NUDT19: variants seen among roughly 807,000 people sequenced by gnomAD.
NUDT19 encodes the protein acyl-coenzyme A diphosphatase NUDT19.
A neutral mutation model predicts 22.2 loss-of-function variants in NUDT19; 31 were observed. The observed-to-expected ratio is 1.40, with a 90% CI of 1.05 to 1.89. The LOEUF (loss-of-function observed/expected upper bound fraction) is 1.89. Among genes scored for constraint, NUDT19 ranks in the 40% most tolerant of loss-of-function variants. The pLI is 0.00. For missense variants in NUDT19, 752 were observed against 514.2 expected, an observed-to-expected ratio of 1.46 and a Z score of -4.47; for synonymous variants, 325 against 230.8, an observed-to-expected ratio of 1.41 and a Z score of -3.70.
chr19:32,692,298 A>G lies in NUDT19; in HGVS notation c.338A>G (p.Asp113Gly), dbSNP rs1968197116. ...CCCGACACCGATGACCACAAGACCGACAACACTGGGACGCTGCCTGAGGAC... is the reference window on the plus strand; with the variant it reads ...CCCGACACCGATGACCACAAGACCGGCAACACTGGGACGCTGCCTGAGGAC... ...SLPDTDDHKT[D>G]NTGTLPEDVA... Residue 113 changes from aspartate to glycine, a missense_variant, in exon 1 of 3, where the codon GAC becomes GGC. Physicochemically the swap from Asp to Gly is moderately conservative, Grantham distance 94. Transcript: ENST00000397061. 7.5e-6 allele frequency: 12 copies of G among 1,593,084 alleles called. No individual in the cohort carries two copies. The highest frequency in any genetic ancestry group is 1.7e-4 in the Middle Eastern group (1 of 6,058).
intron 1 of NUDT19, among the ~76,000 whole-genome samples, chr19:32,699,588 T>A (rs1330258643): frequency 6.6e-6 from 1 of 152,202 alleles, no homozygotes; most frequent in Non-Finnish European, 1.5e-5. Context: ...GCCACACTAG[T>A]CGCTTTTAAC....
intron 1 of NUDT19, among the ~76,000 whole-genome samples, chr19:32,708,229 C>T (rs1968408668): frequency 6.6e-6 from 1 of 151,134 alleles, no homozygotes; most frequent in South Asian, 2.1e-4. Flanking sequence ...AGATCGAGAC[C>T]ATCCTGGCTA....
In NUDT19 at chr19:32,710,552, A is replaced by T. The variant is rs148372713; in HGVS notation, c.922+1160A>T. Among the ~76,000 whole-genome samples, 23 of 151,372 alleles carry T rather than the reference A, an allele frequency of 1.5e-4. No individual in the cohort carries two copies. The East Asian group carries it at 4.5e-3, about 29-fold the overall frequency. On this transcript the variant is annotated intron_variant, in intron 2 of 2. Coordinates refer to ENST00000397061, the MANE Select transcript of NUDT19 (RefSeq NM_001105570.2). ...GGTTGCAGTGAGCCAAGATCATGCC[A>T]CTGCACTCTAACCTGGGCGACAGAG...
At chr19:32,698,249 A>AT (rs1238997263) in intron 1 of NUDT19, among the ~76,000 whole-genome samples, 1 of 152,102 alleles carries the variant, frequency 6.6e-6, no homozygotes, top group Non-Finnish European at 1.5e-5. Context: ...TCAGGTGGCC[A>AT]TTTTTCCCCA....
At chr19:32,703,965 A>G (rs916404682) in intron 1 of NUDT19, among the ~76,000 whole-genome samples, 4 of 150,686 alleles carry the variant, frequency 2.7e-5, no homozygotes, top group Non-Finnish European at 5.9e-5. Flanking sequence ...GCCCAGCCAC[A>G]TATTTACTAT....
chr19:32,708,666 C>T lies in NUDT19; in HGVS notation c.715-519C>T, dbSNP rs146729677. ...GCTGCTGTTGCTCCTGATGCTTCAC[C>T]GCCGTTGTACCATGTGGCACACATC... is the stretch of plus-strand genomic sequence containing the variant. On this transcript the variant is annotated intron_variant, in intron 1 of 2. Coordinates refer to ENST00000397061, the MANE Select transcript of NUDT19 (RefSeq NM_001105570.2). Among the ~76,000 whole-genome samples the T allele has an allele frequency of 6.7e-3, 1,018 of 152,194 alleles. 13 individuals carry two copies. Among genetic ancestry groups the T allele is most frequent in the African/African-American group, 0.024 (982 of 41,514 alleles).
intron 1 of NUDT19, among the ~76,000 whole-genome samples, chr19:32,694,798 GTAAGTACTT>G (rs1968244417): frequency 6.6e-6 from 1 of 152,192 alleles, no homozygotes; most frequent in Non-Finnish European, 1.5e-5. Context: ...TCCTGATTCT[GTAAGTACTT>G]TAAGGTTTGG....
At chr19:32,697,396 A>C (rs1323031646) in intron 1 of NUDT19, among the ~76,000 whole-genome samples, 1 of 152,044 alleles carries the variant, frequency 6.6e-6, no homozygotes, top group Non-Finnish European at 1.5e-5. Context: ...GTGACAGGGG[A>C]GTGTATTTTC....
At position 32,692,632 on chromosome 19, in the gene NUDT19, G is replaced by A. The variant is rs374113857; in HGVS notation, c.672G>A (p.Pro224=). 1.2e-5 allele frequency: 18 copies of A among 1,533,366 alleles called. No homozygotes were observed. The highest frequency in any genetic ancestry group is 1.4e-5 in the Non-Finnish European group (16 of 1,145,704). The allele number at this position is 1,533,366 out of a possible 1,614,324, so 95.0% of individuals were successfully genotyped here. The change falls in exon 1 of 3, where the codon CCG becomes CCA. Residue 224 remains proline (P), a synonymous_variant. Coordinates refer to ENST00000397061, the MANE Select transcript of NUDT19 (RefSeq NM_001105570.2). Reference sequence around the variant, plus strand: ...TCTTCCTGTGCTGCCTGCGCGAGCCGCCGCCCGTCTACCCCGACTTGGCGG... The same window carrying A: ...TCTTCCTGTGCTGCCTGCGCGAGCCACCGCCCGTCTACCCCGACTTGGCGG... ...TAFFLCCLRE[P]PPVYPDLAEV...
intron 1 of NUDT19, among the ~76,000 whole-genome samples, chr19:32,699,449 C>G (rs2145360358): frequency 6.6e-6 from 1 of 152,310 alleles, no homozygotes; most frequent in East Asian, 1.9e-4. Context: ...GCTGTCGACC[C>G]TCGGCTCAGC....
At chr19:32,709,464 C>A in intron 2 of NUDT19, 72 bp downstream of exon 2, 1 of 1,192,218 alleles carries the variant, frequency 8.4e-7, no homozygotes, top group Non-Finnish European at 1.2e-6. Flanking sequence ...GCTGTATTGC[C>A]CAACGTAGAG....
At position 32,711,741 on chromosome 19, in the gene NUDT19, T is replaced by C. The variant is rs771651073; in HGVS notation, c.923-11T>C. On this transcript the variant is annotated splice_polypyrimidine_tract_variant and intron_variant, in intron 2 of 2. Coordinates refer to ENST00000397061, the MANE Select transcript of NUDT19 (RefSeq NM_001105570.2). ...TATTTAAAAATAAAATCAGATTTTT[T>C]CCTTTTTCAGGTGATGAGCTATATT... The C allele has an allele frequency of 1.3e-5, 20 of 1,492,636 alleles. No individual in the cohort carries two copies. Among genetic ancestry groups the C allele is most frequent in the Non-Finnish European group, 1.7e-5 (18 of 1,083,956 alleles). 92.5% of individuals were successfully genotyped at this position (1,492,636 alleles called of 1,614,324 possible).
chr19:32,708,751 G>T (rs552371577), intron 1 of NUDT19, among the ~76,000 whole-genome samples: 56 of 152,272 alleles, frequency 3.7e-4, no homozygotes, highest in African/African-American at 1.3e-3. Context: ...GAGCTTTGTG[G>T]TGTCCATCAT....
intron 1 of NUDT19, among the ~76,000 whole-genome samples, chr19:32,703,648 CTTTTTTTTTTTTTTTTT>C (rs60766132): frequency 2.9e-5 from 2 of 68,346 alleles, no homozygotes; most frequent in Admixed American, 2.2e-4. Flanking sequence ...TGTGCCCAGC[CTTTTTTTTTTTTTTTTT>C]TTTTTTTTTT....
chr19:32,698,487 A>T (rs1186570574), intron 1 of NUDT19, among the ~76,000 whole-genome samples: 3 of 152,104 alleles, frequency 2.0e-5, no homozygotes, highest in South Asian at 2.1e-4. Flanking sequence ...TGCTGATCGG[A>T]ATAGTTGTGC....
rs542585844 is a variant in NUDT19, at chr19:32,692,684, G to A, written c.714+10G>A. 2.7e-6 allele frequency: 4 copies of A among 1,461,414 alleles called. No homozygotes were observed. The South Asian group carries it at 5.7e-5, about 21-fold the overall frequency. The allele number at this position is 1,461,414 out of a possible 1,614,324, so 90.5% of individuals were successfully genotyped here. On this transcript the variant is annotated intron_variant, in intron 1 of 2. Coordinates refer to ENST00000397061, the MANE Select transcript of NUDT19 (RefSeq NM_001105570.2). ...GGTGGTGGGCTACCAGGTAAGGCCT[G>A]CTCAGGGCCTTGCTGCGGACCGCCA...
Position 32,699,023 on chromosome 19 carries a change from C to T in NUDT19, c.714+6349C>T, listed in dbSNP as rs564515200. 1.8e-4 allele frequency among the ~76,000 whole-genome samples: 28 copies of T among 152,230 alleles called. No individual in the cohort carries two copies. In the East Asian group the frequency reaches 5.0e-3, roughly 27 times the overall value. On this transcript the variant is annotated intron_variant, in intron 1 of 2. Transcript: ENST00000397061. ...TAGGAAGGATACAATTTCTGAGGCT[C>T]CCGATATCCTAGTTTCAGGAATAGC...
At chr19:32,705,530 T>A (rs113516951) in intron 1 of NUDT19, among the ~76,000 whole-genome samples, 2,197 of 152,088 alleles carry the variant, frequency 0.014, 21 homozygotes, top group Non-Finnish European at 0.021. Context: ...TAAATGATTT[T>A]AAGTGATTTT....
Position 32,692,178 on chromosome 19 carries a change from C to G in NUDT19, c.218C>G (p.Ser73Trp), listed in dbSNP as rs764257348. The G allele has an allele frequency of 3.9e-5, 61 of 1,548,868 alleles. No individual in the cohort carries two copies. The highest frequency in any genetic ancestry group is 4.9e-5 in the Non-Finnish European group (57 of 1,158,374). Residue 73 changes from serine (S) to tryptophan (W), a missense_variant, in exon 1 of 3, where the codon TCG (serine) becomes TGG (tryptophan). By Grantham distance (177) the Ser-to-Trp change is radical. Coordinates refer to ENST00000397061, the MANE Select transcript of NUDT19 (RefSeq NM_001105570.2). ...SGGVLDAADR[S>W]ADWLGLFAPH... is the part of the protein sequence containing the mutation. ...GGAGTGCTGGATGCGGCCGACCGCT[C>G]GGCGGACTGGCTGGGCCTCTTCGCG... is the stretch of plus-strand genomic sequence containing the variant.
Sources: gnomAD v4.1 joint callset for allele counts (sites outside exome capture counted in the v4.1 genomes callset) on GRCh38, gnomAD v4.1.1 for gene constraint, MANE v1.5 for transcripts, NCBI Gene and HGNC (gene_info 2026-07-23, HGNC 2026-07-21) for gene names.